The following GABRA2 variants were observed in gnomAD, a reference collection of about 807,000 sequenced individuals.
GABRA2 encodes the protein gamma-aminobutyric acid type A receptor subunit alpha2.
GABRA2 carries 16 observed loss-of-function variants against 48.7 expected under a neutral mutation model. That is an observed-to-expected ratio of 0.33 (90% CI 0.22 to 0.50). The LOEUF (loss-of-function observed/expected upper bound fraction) is 0.50. Ranked by LOEUF, GABRA2 falls within the 20% of genes least tolerant of loss-of-function variation. The probability of loss-of-function intolerance (pLI) is 0.98; values close to 1 mark genes in which losing one functional copy is unlikely to be tolerated. For synonymous variants in GABRA2, 185 were observed against 184.5 expected (o/e 1.00, Z -0.02); for missense variants, 275 against 535.6 (o/e 0.51, Z 4.80).
intron 4 of GABRA2, among the ~76,000 whole-genome samples, chr4:46,321,748 C>G (rs1729486324): frequency 6.6e-6 from 1 of 151,928 alleles, no homozygotes; most frequent in South Asian, 2.1e-4. Context: ...TGGTTGGACA[C>G]CAAGGAAGAT....
chr4:46,380,299 G>T (rs905344776), intron 3 of GABRA2, among the ~76,000 whole-genome samples: 3 of 152,130 alleles, frequency 2.0e-5, no homozygotes, highest in Non-Finnish European at 4.4e-5. Flanking sequence ...TTTTGTTCAT[G>T]TACAAAGATG....
At chr4:46,324,780 T>C (rs1218461780) in intron 4 of GABRA2, among the ~76,000 whole-genome samples, 3 of 151,870 alleles carry the variant, frequency 2.0e-5, no homozygotes, top group Non-Finnish European at 4.4e-5. Flanking sequence ...TATGTGTACT[T>C]GATGTTTAGC....
intron 8 of GABRA2, among the ~76,000 whole-genome samples, chr4:46,282,971 A>G (rs1271931443): frequency 6.6e-6 from 1 of 152,204 alleles, no homozygotes; most frequent in Non-Finnish European, 1.5e-5. Context: ...GAAACTTGCC[A>G]GACGCCACAT....
chr4:46,317,821 T>C (rs1728794538), intron 4 of GABRA2, among the ~76,000 whole-genome samples: 1 of 151,802 alleles, frequency 6.6e-6, no homozygotes. Context: ...AGTGAGGCTA[T>C]TTAAAATATG....
intron 2 of GABRA2, 73 bp downstream of exon 2, chr4:46,388,563 A>G: frequency 6.5e-7 from 1 of 1,546,348 alleles, no homozygotes; most frequent in Non-Finnish European, 8.8e-7. Context: ...CTTGATTTTC[A>G]AAAGCATTAA....
chr4:46,361,626 G>A (rs959107837), intron 3 of GABRA2, among the ~76,000 whole-genome samples: 36 of 152,318 alleles, frequency 2.4e-4, no homozygotes, highest in African/African-American at 6.3e-4. Context: ...TAGTGGAGCC[G>A]TGAGAAGAGG....
intron 3 of GABRA2, among the ~76,000 whole-genome samples, chr4:46,334,737 C>T (rs1731919159): frequency 1.3e-5 from 2 of 151,992 alleles, no homozygotes; most frequent in Non-Finnish European, 2.9e-5. Flanking sequence ...AAGAGAAACA[C>T]CTAAGACTCA....
At chr4:46,346,629 T>C (rs149856493) in intron 3 of GABRA2, among the ~76,000 whole-genome samples, 1 of 148,776 alleles carries the variant, frequency 6.7e-6, no homozygotes, top group East Asian at 2.0e-4. Context: ...ATTATATTTA[T>C]TATATTTATT....
At chr4:46,340,641 C>A (rs1267815688) in intron 3 of GABRA2, among the ~76,000 whole-genome samples, 1 of 151,862 alleles carries the variant, frequency 6.6e-6, no homozygotes, top group Non-Finnish European at 1.5e-5. Flanking sequence ...ACTTGGCATT[C>A]CTGGCATAAA....
chr4:46,268,740 A>G (rs1718738992), intron 8 of GABRA2, among the ~76,000 whole-genome samples: 1 of 151,950 alleles, frequency 6.6e-6, no homozygotes, highest in South Asian at 2.1e-4. Context: ...CTGCACTTCC[A>G]TGTTCATTAC....
intron 6 of GABRA2, among the ~76,000 whole-genome samples, chr4:46,307,809 A>T (rs2109659573): frequency 6.6e-6 from 1 of 152,312 alleles, no homozygotes; most frequent in South Asian, 2.1e-4. Flanking sequence ...TATTTAGATA[A>T]GAATATAGTT....
chr4:46,336,074 A>G (rs939790661), intron 3 of GABRA2, among the ~76,000 whole-genome samples: 1 of 152,158 alleles, frequency 6.6e-6, no homozygotes, highest in African/African-American at 2.4e-5. Context: ...TTTAAGCTCC[A>G]CAAAGAACAG....
At chr4:46,300,242 A>G (rs2109603820) in intron 8 of GABRA2, among the ~76,000 whole-genome samples, 2 of 152,072 alleles carry the variant, frequency 1.3e-5, no homozygotes, top group South Asian at 4.1e-4. Context: ...AGTCAAATTC[A>G]TTCAATGCAT....
At chr4:46,328,043 AAG>A (rs1730683382) in intron 4 of GABRA2, among the ~76,000 whole-genome samples, 1 of 152,038 alleles carries the variant, frequency 6.6e-6, no homozygotes, top group Non-Finnish European at 1.5e-5. Context: ...ACCAAGGAAA[AAG>A]GGAAAAAAAC....
chr4:46,289,361 C>T (rs1039581239), intron 8 of GABRA2, among the ~76,000 whole-genome samples: 14 of 152,132 alleles, frequency 9.2e-5, no homozygotes, highest in African/African-American at 1.7e-4. Context: ...TGGAATACTA[C>T]GCAGCTATAA....
At chr4:46,281,262 G>C (rs1308719530) in intron 8 of GABRA2, among the ~76,000 whole-genome samples, 1 of 152,186 alleles carries the variant, frequency 6.6e-6, no homozygotes, top group African/African-American at 2.4e-5. Context: ...TGTATCTGGA[G>C]TTAAGGGAGA....
chr4:46,378,069 A>G (rs1716184633), intron 3 of GABRA2, among the ~76,000 whole-genome samples: 3 of 149,238 alleles, frequency 2.0e-5, no homozygotes, highest in South Asian at 2.2e-4. Context: ...CAGCCGCCCC[A>G]TCAGGGAGGT....
At chr4:46,357,671 T>A (rs1017865350) in intron 3 of GABRA2, among the ~76,000 whole-genome samples, 1 of 148,940 alleles carries the variant, frequency 6.7e-6, no homozygotes, top group Non-Finnish European at 1.5e-5. Flanking sequence ...TCTTTCTTTT[T>A]TTTTTTTTTT....
chr4:46,344,919 T>C (rs1307124710), intron 3 of GABRA2, among the ~76,000 whole-genome samples: 1 of 151,972 alleles, frequency 6.6e-6, no homozygotes, highest in Non-Finnish European at 1.5e-5. Flanking sequence ...GTAATCCTAT[T>C]AATAAAATGT....
Sources: allele counts gnomAD v4.1 joint callset (sites outside exome capture counted in the v4.1 genomes callset), GRCh38; gene constraint gnomAD v4.1.1; transcripts MANE v1.5; gene names NCBI Gene and HGNC (gene_info 2026-07-23, HGNC 2026-07-21).